Variants in GRID2 observed in about 807,000 individuals in gnomAD.
GRID2 encodes glutamate ionotropic receptor delta type subunit 2.
A neutral mutation model predicts 114.8 loss-of-function variants in GRID2; 33 were observed. The ratio of observed to expected loss-of-function variants is 0.29; its 90% CI spans 0.22 to 0.38. The LOEUF is 0.38. Among genes scored for constraint, GRID2 ranks in the 10% least tolerant of loss-of-function variants. The pLI is 1.00. For missense variants in GRID2, 1,184 were observed against 1,257.7 expected, an observed-to-expected ratio of 0.94 and a Z score of 0.89; for synonymous variants, 505 against 449.9, an observed-to-expected ratio of 1.12 and a Z score of -1.55.
At chr4:93,167,233 A>G (rs1009489702) in intron 4 of GRID2, among the ~76,000 whole-genome samples, 4 of 152,166 alleles carry the variant, frequency 2.6e-5, no homozygotes, top group African/African-American at 4.8e-5. Flanking sequence ...AATTGCTTCA[A>G]TGACAAATTC....
chr4:93,207,228 T>C (rs913817746), intron 4 of GRID2, among the ~76,000 whole-genome samples, 176 bp from the exon 5 acceptor site: 2 of 152,126 alleles, frequency 1.3e-5, no homozygotes, highest in African/African-American at 4.8e-5. Context: ...TCTATATGTA[T>C]GTCAAATGCA....
At chr4:93,304,738 G>T (rs376747258) in intron 8 of GRID2, among the ~76,000 whole-genome samples, 2 of 152,196 alleles carry the variant, frequency 1.3e-5, no homozygotes, top group Admixed American at 6.5e-5. Flanking sequence ...TTATTGCTTT[G>T]TGTGTAATAG....
intron 8 of GRID2, among the ~76,000 whole-genome samples, chr4:93,361,126 A>AT (rs1761844805): frequency 6.6e-6 from 1 of 151,986 alleles, no homozygotes; most frequent in Non-Finnish European, 1.5e-5. Flanking sequence ...TAATTACTAA[A>AT]TTTTTTTACA....
At chr4:92,609,867 C>A (rs1019458505) in intron 2 of GRID2, among the ~76,000 whole-genome samples, 1 of 151,594 alleles carries the variant, frequency 6.6e-6, no homozygotes, top group Non-Finnish European at 1.5e-5. Context: ...TATTTAGAAA[C>A]TCTGATCTTG....
At chr4:93,658,723 T>C (rs1723229802) in intron 14 of GRID2, among the ~76,000 whole-genome samples, 1 of 152,152 alleles carries the variant, frequency 6.6e-6, no homozygotes. Flanking sequence ...GAATGAGTCA[T>C]AAGGGATGAG....
chr4:92,862,189 G>C (rs1278581546), intron 2 of GRID2, among the ~76,000 whole-genome samples: 1 of 151,896 alleles, frequency 6.6e-6, no homozygotes, highest in East Asian at 1.9e-4. Context: ...TGGGACAATT[G>C]TTTCAATCTT....
chr4:93,311,974 T>C (rs1484977585), intron 8 of GRID2, among the ~76,000 whole-genome samples: 3 of 152,136 alleles, frequency 2.0e-5, no homozygotes, highest in Non-Finnish European at 2.9e-5. Context: ...AAAAGATAAA[T>C]TCATAATGTA....
chr4:92,554,388 G>T (rs1726748434), intron 1 of GRID2, among the ~76,000 whole-genome samples: 1 of 152,170 alleles, frequency 6.6e-6, no homozygotes, highest in East Asian at 1.9e-4. Flanking sequence ...CAAGCACTTT[G>T]AAATGTACAA....
chr4:93,172,282 C>T (rs1394701419), intron 4 of GRID2, among the ~76,000 whole-genome samples: 2 of 152,054 alleles, frequency 1.3e-5, no homozygotes, highest in African/African-American at 2.4e-5. Flanking sequence ...GAACATTTGC[C>T]ATTATTTCTG....
chr4:93,385,957 A>G (rs1346689350), intron 8 of GRID2, among the ~76,000 whole-genome samples: 4 of 152,178 alleles, frequency 2.6e-5, no homozygotes, highest in African/African-American at 7.2e-5. Flanking sequence ...AATCTACCAT[A>G]CTGTCCATAT....
chr4:93,083,210 T>G (rs1197300754), intron 2 of GRID2, among the ~76,000 whole-genome samples: 1 of 152,144 alleles, frequency 6.6e-6, no homozygotes, highest in African/African-American at 2.4e-5. Context: ...TACTTACTAT[T>G]TGCTTATATA....
chr4:93,643,971 T>C (rs562726683), intron 14 of GRID2, among the ~76,000 whole-genome samples: 1,432 of 101,228 alleles, frequency 0.014, 539 homozygotes, highest in African/African-American at 0.078. Flanking sequence ...CGAGATTCCG[T>C]GGGCGTAGGA....
chr4:93,513,487 G>A (rs948169743), intron 12 of GRID2, among the ~76,000 whole-genome samples: 3 of 152,084 alleles, frequency 2.0e-5, no homozygotes, highest in African/African-American at 4.8e-5. Context: ...TTGCATCCTA[G>A]CTACATACTC....
At chr4:93,603,015 G>T (rs1739854217) in intron 13 of GRID2, among the ~76,000 whole-genome samples, 1 of 152,148 alleles carries the variant, frequency 6.6e-6, no homozygotes, top group African/African-American at 2.4e-5. Flanking sequence ...TTCGAGACCA[G>T]CCTGGCCAAC....
At chr4:92,501,751 T>C (rs1723693375) in intron 1 of GRID2, among the ~76,000 whole-genome samples, 1 of 152,186 alleles carries the variant, frequency 6.6e-6, no homozygotes, top group African/African-American at 2.4e-5. Flanking sequence ...ATGGAACTGT[T>C]ATGGATCTAT....
chr4:92,902,514 T>A (rs1331735377), intron 2 of GRID2, among the ~76,000 whole-genome samples: 1 of 152,066 alleles, frequency 6.6e-6, no homozygotes, highest in Non-Finnish European at 1.5e-5. Context: ...CCATTTGTCT[T>A]GTTTTGTTTG....
At chr4:93,061,793 C>T (rs902395631) in intron 2 of GRID2, among the ~76,000 whole-genome samples, 1 of 152,110 alleles carries the variant, frequency 6.6e-6, no homozygotes, top group African/African-American at 2.4e-5. Context: ...CAGCTAAGCA[C>T]CCAGAAAGTG....
At chr4:93,216,652 AACATTT>A in intron 5 of GRID2, 80 bp from the exon 6 acceptor site, 1 of 844,662 alleles carries the variant, frequency 1.2e-6, no homozygotes, top group Non-Finnish European at 1.9e-6. Context: ...CAGAATCCCT[AACATTT>A]ACAGATAACA....
chr4:93,578,611 T>TTTTA (rs1491414765), intron 13 of GRID2, among the ~76,000 whole-genome samples: 1 of 129,962 alleles, frequency 7.7e-6, no homozygotes, highest in African/African-American at 2.8e-5. Flanking sequence ...TTTTTTTTTT[T>TTTTA]GAGTTGGAGT....
Sources: allele counts gnomAD v4.1 joint callset (sites outside exome capture counted in the v4.1 genomes callset), GRCh38; gene constraint gnomAD v4.1.1; transcripts MANE v1.5; gene names NCBI Gene and HGNC (gene_info 2026-07-23, HGNC 2026-07-21).